The following TRPV6 variants were observed in gnomAD, a reference collection of about 807,000 sequenced individuals.
TRPV6 encodes the protein Alu-binding protein with zinc finger domain.
A neutral mutation model predicts 79.0 loss-of-function variants in TRPV6; 39 were observed. The ratio of observed to expected loss-of-function variants is 0.49; its 90% confidence interval spans 0.38 to 0.64. TRPV6 has a LOEUF of 0.64. Among genes scored for constraint, TRPV6 ranks in the 30% least tolerant of loss-of-function variants. The pLI, the probability that TRPV6 is intolerant of heterozygous loss-of-function variation, is 0.00. For synonymous variants in TRPV6, 373 were observed against 391.9 expected (o/e 0.95, Z 0.57); for missense variants, 813 against 1,011.1 (o/e 0.80, Z 2.66).
At chr7:142,885,358 T>G (rs1795283141) in intron 1 of TRPV6, 31 bp downstream of exon 1, 9 of 1,572,304 alleles carry the variant, frequency 5.7e-6, no homozygotes, top group African/African-American at 5.6e-5. Context: ...CCTGGGGAGG[T>G]GGGGAAGGGA....
At chr7:142,875,954 A>C (rs1305181880) in intron 6 of TRPV6, 50 bp from the exon 7 acceptor site, 1 of 1,532,048 alleles carries the variant, frequency 6.5e-7, no homozygotes, top group Non-Finnish European at 8.8e-7. Flanking sequence ...GGGGACGGTC[A>C]CAGAGTGTGG....
At chr7:142,876,192 G>T in intron 6 of TRPV6, 1 of 774,364 alleles carries the variant, frequency 1.3e-6, no homozygotes, top group Non-Finnish European at 2.0e-6. Flanking sequence ...GACAATCCTA[G>T]CATGGGATCT....
Position 142,876,748 on chromosome 7 carries a change from C to T in TRPV6, c.697G>A (p.Asp233Asn). 1 of 1,614,106 alleles carries T rather than the reference C, an allele frequency of 6.2e-7. No individual in the cohort carries two copies. The highest frequency in any genetic ancestry group is 1.3e-5 in the African/African-American group (1 of 75,012). ...CCATCTCAGCTCTTACCCAGGGAGT[C>T]CTGGGCCCGGATGTCAGCTCCATGC... The change falls in exon 5 of 15, where the codon GAC (aspartate) becomes AAC (asparagine). Residue 233 changes from aspartate to asparagine, a missense_variant. Physicochemically the swap from Asp to Asn is conservative, Grantham distance 23. Transcript: ENST00000359396.
chr7:142,876,206 C>A lies in TRPV6; in HGVS notation c.882+202G>T, dbSNP rs189383396. The A allele has an allele frequency of 1.4e-4, 119 of 830,998 alleles. No individual in the cohort carries two copies. The African/African-American group carries it at 1.7e-3, about 12-fold the overall frequency. 51.5% of individuals were successfully genotyped at this position (830,998 alleles called of 1,614,324 possible). On this transcript the variant is annotated intron_variant, in intron 6 of 14. Transcript: ENST00000359396. ...AGACAATCCTAGCATGGGATCTAGA[C>A]TCTGTAACCCCCAATGCCTCAGGGG...
At chr7:142,874,716 A>C (rs550912265) in intron 10 of TRPV6, 60 bp from the exon 11 acceptor site, 1 of 1,584,238 alleles carries the variant, frequency 6.3e-7, no homozygotes, top group East Asian at 2.3e-5. Context: ...GGGACCTGAC[A>C]GCAAGAATGT....
At chr7:142,872,344 G>A in intron 14 of TRPV6, 28 bp downstream of exon 14, 2 of 1,611,326 alleles carry the variant, frequency 1.2e-6, no homozygotes, top group Non-Finnish European at 1.7e-6. Context: ...GGCTTCTCAG[G>A]GGACACCTAC....
At chr7:142,876,879 G>A (rs753740776) in intron 4 of TRPV6, 42 bp from the exon 5 acceptor site, 4 of 1,608,640 alleles carry the variant, frequency 2.5e-6, no homozygotes, top group Non-Finnish European at 3.4e-6. Context: ...GTGCAGGATG[G>A]CAGGATGGGG....
chr7:142,882,400 T>TA (rs1442040025), intron 1 of TRPV6: 2 of 152,074 alleles, frequency 1.3e-5, no homozygotes, highest in African/African-American at 2.4e-5. Context: ...CACACGGAGT[T>TA]AAAGGCAGGA....
rs1268605573 is a variant in TRPV6 at position 142,874,929 on chromosome 7, G to C, written c.1381C>G (p.Leu461Val). ...ATGAGGACATGGAATGGGCCCCCAA[G>C]GATGGTCTGTCCAAAGAAGCGAGTG... Residue 461 changes from leucine (L) to valine (V), a missense_variant, in exon 10 of 15, where the codon CTT becomes GTT. Coordinates refer to ENST00000359396, the MANE Select transcript of TRPV6 (RefSeq NM_018646.6). The C allele has an allele frequency of 1.2e-6, 2 of 1,614,176 alleles. No individual in the cohort carries two copies. The highest frequency in any genetic ancestry group is 3.3e-5 in the Admixed American group (2 of 60,022).
chr7:142,871,583 C>G lies in TRPV6; in HGVS notation c.*124G>C. ...TTCTCAACGTACATTCCTTGGCGTT[C>G]ATGCTACTCCTCTTTCTCCCCTGGG... On this transcript the variant is annotated 3_prime_UTR_variant, in exon 15 of 15. Coordinates refer to ENST00000359396, the MANE Select transcript of TRPV6 (RefSeq NM_018646.6). The G allele has an allele frequency of 8.4e-7, 1 of 1,188,194 alleles. No individual in the cohort carries two copies. Among genetic ancestry groups the G allele is most frequent in the Non-Finnish European group, 1.2e-6 (1 of 846,482 alleles). The allele number at this position is 1,188,194 out of a possible 1,614,324, so 73.6% of individuals were successfully genotyped here.
rs1410478421 is a variant in TRPV6 at position 142,875,489 on chromosome 7, G to A, written c.1221C>T (p.Leu407=). 1.9e-6 allele frequency: 3 copies of A among 1,591,756 alleles called. No individual in the cohort carries two copies. Among genetic ancestry groups the A allele is most frequent in the African/African-American group, 1.3e-5 (1 of 74,628 alleles). ...TCACCTGAAGTAGCTTCTGCTGTAAGAGGGTGTTGTCCCGGGGGCTCGTGC... is the reference window on the plus strand; with the variant it reads ...TCACCTGAAGTAGCTTCTGCTGTAAAAGGGTGTTGTCCCGGGGGCTCGTGC... The change falls in exon 8 of 15, where the codon CTC becomes CTT. Residue 407 remains leucine, a synonymous_variant. Coordinates refer to ENST00000359396, the MANE Select transcript of TRPV6 (RefSeq NM_018646.6).
chr7:142,876,524 ACATC>A lies in TRPV6; in HGVS notation c.762_765del (p.Gln254HisfsTer40). 1 of 1,614,176 alleles carries A rather than the reference ACATC, an allele frequency of 6.2e-7. No individual in the cohort carries two copies. Among genetic ancestry groups the A allele is most frequent in the Non-Finnish European group, 8.5e-7 (1 of 1,180,016 alleles). ...CTGTCGTAGGACAGCAACAGGTTGT[ACATC>A]TGGCAGGCAAAGGTTTTGTTGGGCT... On this transcript the variant is annotated frameshift_variant, in exon 6 of 15. Transcript: ENST00000359396. LOFTEE classifies it high-confidence loss of function.
rs1563355660 is a variant in TRPV6, at chr7:142,876,543, T to A, written c.747A>T (p.Lys249Asn). 1.2e-6 allele frequency: 2 copies of A among 1,614,020 alleles called. No homozygotes were observed. The highest frequency in any genetic ancestry group is 1.7e-6 in the Non-Finnish European group (2 of 1,179,994). ...GGTTGTACATCTGGCAGGCAAAGGTTTTGTTGGGCTGGAGGATGAGGATGT... is the reference window on the plus strand; with the variant it reads ...GGTTGTACATCTGGCAGGCAAAGGTATTGTTGGGCTGGAGGATGAGGATGT... Residue 249 changes from lysine (K) to asparagine (N), a missense_variant, in exon 6 of 15, where the codon AAA (lysine) becomes AAT (asparagine). By Grantham distance (94) the Lys-to-Asn change is moderately conservative. Around this residue, in one of 3 missense-constraint regions of TRPV6, gnomAD observed 555 missense variants for 631.0 expected, o/e 0.88. Transcript: ENST00000359396.
At position 142,873,208 on chromosome 7, in the gene TRPV6, C is replaced by A. The variant is rs1027847672; in HGVS notation, c.1908+240G>T. The stretch of plus-strand genomic sequence containing the variant: ...CTTTTGATTTATTTCTTGTTGATTC[C>A]TCTAGAAAACACTGAGCTTTTAACT... On this transcript the variant is annotated intron_variant, in intron 13 of 14. Coordinates refer to ENST00000359396, the MANE Select transcript of TRPV6 (RefSeq NM_018646.6). The surrounding 1 kb of genome is among the most constrained non-coding windows in gnomAD (Gnocchi z 4.8). Among the ~76,000 whole-genome samples, 1 of 152,076 alleles carries A rather than the reference C, an allele frequency of 6.6e-6. No homozygotes were observed. Among genetic ancestry groups the A allele is most frequent in the Non-Finnish European group, 1.5e-5 (1 of 68,034 alleles).
Position 142,874,932 on chromosome 7 carries a change from T to G in TRPV6, c.1378A>C (p.Ile460Leu). 1.2e-6 allele frequency: 2 copies of G among 1,614,026 alleles called. No individual in the cohort carries two copies. The highest frequency in any genetic ancestry group is 1.7e-6 in the Non-Finnish European group (2 of 1,180,006). Reference sequence around the variant, plus strand: ...AGGACATGGAATGGGCCCCCAAGGATGGTCTGTCCAAAGAAGCGAGTGACC... The same window carrying G: ...AGGACATGGAATGGGCCCCCAAGGAGGGTCTGTCCAAAGAAGCGAGTGACC... The change falls in exon 10 of 15, where the codon ATC becomes CTC. Residue 460 changes from isoleucine (I) to leucine (L), a missense_variant. This residue lies in a region of TRPV6 where 555 missense variants were observed against 631.0 expected (regional missense o/e 0.88). Coordinates refer to ENST00000359396, the MANE Select transcript of TRPV6 (RefSeq NM_018646.6).
chr7:142,874,391 C>G, intron 11 of TRPV6, 100 bp downstream of exon 11: 1 of 1,470,022 alleles, frequency 6.8e-7, no homozygotes, highest in Non-Finnish European at 9.4e-7. Context: ...CCATGTGTGG[C>G]TTGCAGAACC....
At position 142,874,475 on chromosome 7, in the gene TRPV6, T is replaced by TG. The variant is rs751557903; in HGVS notation, c.1572+15dup. 1 of 1,613,628 alleles carries TG rather than the reference T, an allele frequency of 6.2e-7. No individual in the cohort carries two copies. Among genetic ancestry groups the TG allele is most frequent in the East Asian group, 2.2e-5 (1 of 44,868 alleles). The stretch of plus-strand genomic sequence containing the variant: ...CTCTGGGGCCTTTCTCTAGGGAGCT[T>TG]GGGGGGAGGACTGACCTTCTGAATC... On this transcript the variant is annotated intron_variant, in intron 11 of 14. Coordinates refer to ENST00000359396, the MANE Select transcript of TRPV6 (RefSeq NM_018646.6).
At chr7:142,881,476 A>T (rs1206471357) in intron 1 of TRPV6, 1 of 152,208 alleles carries the variant, frequency 6.6e-6, no homozygotes, top group Non-Finnish European at 1.5e-5. Flanking sequence ...TTTCTTATGG[A>T]TCACTAAATA....
intron 1 of TRPV6, chr7:142,884,174 G>T (rs1795249795): frequency 1.3e-5 from 2 of 152,264 alleles, no homozygotes; most frequent in Non-Finnish European, 2.9e-5. Flanking sequence ...GCCCCAAGAT[G>T]TCATCAGCCA....
Sources: gnomAD v4.1 joint callset for allele counts (sites outside exome capture counted in the v4.1 genomes callset) on GRCh38, gnomAD v4.1.1 for gene constraint, gnomAD v4.1.1 regional missense constraint, Gnocchi (gnomAD v3.1) non-coding constraint, MANE v1.5 for transcripts, NCBI Gene and HGNC (gene_info 2026-07-23, HGNC 2026-07-21) for gene names.